BTNL8: variants seen among roughly 807,000 people sequenced by gnomAD.
The protein encoded by BTNL8 is butyrophilin-like protein 8.
BTNL8 carries 22 observed loss-of-function variants against 36.1 expected under a neutral mutation model. The ratio of observed to expected loss-of-function variants is 0.61; its 90% confidence interval spans 0.44 to 0.87. The LOEUF is 0.87. BTNL8 is among the 40% of genes least tolerant of loss of function. BTNL8 has a pLI of 0.00. For missense variants in BTNL8, 526 were observed against 616.9 expected, an observed-to-expected ratio of 0.85 and a Z score of 1.56; for synonymous variants, 203 against 235.6, an observed-to-expected ratio of 0.86 and a Z score of 1.27.
At chr5:180,938,563 G>C (rs1430507473) in intron 3 of BTNL8, among the ~76,000 whole-genome samples, 4 of 146,308 alleles carry the variant, frequency 2.7e-5, no homozygotes, top group Non-Finnish European at 6.0e-5. Flanking sequence ...TTTTTTGATG[G>C]AGTCTTGCTC....
chr5:180,941,328 G>A (rs1272823800), intron 3 of BTNL8, among the ~76,000 whole-genome samples: 4 of 152,038 alleles, frequency 2.6e-5, no homozygotes. Flanking sequence ...ACAAACAAAA[G>A]CCCAAAACAA....
intron 2 of BTNL8, among the ~76,000 whole-genome samples, chr5:180,909,411 T>A (rs1310068962): frequency 1.3e-5 from 2 of 152,230 alleles, no homozygotes; most frequent in Non-Finnish European, 2.9e-5. Context: ...GAACATTTAT[T>A]TTTAAATTAA....
At chr5:180,941,530 T>C (rs995717001) in intron 3 of BTNL8, among the ~76,000 whole-genome samples, 17 of 152,236 alleles carry the variant, frequency 1.1e-4, no homozygotes, top group African/African-American at 3.9e-4. Flanking sequence ...ATTATGAACA[T>C]AGATGCAAAA....
intron 3 of BTNL8, among the ~76,000 whole-genome samples, chr5:180,924,288 C>T (rs182086605): frequency 6.6e-6 from 1 of 152,352 alleles, no homozygotes; most frequent in African/African-American, 2.4e-5. Flanking sequence ...TAAGGCTACT[C>T]TAGACTAGGA....
intron 3 of BTNL8, among the ~76,000 whole-genome samples, chr5:180,947,119 A>G (rs1336034285): frequency 6.6e-6 from 1 of 152,256 alleles, no homozygotes; most frequent in Non-Finnish European, 1.5e-5. Context: ...TCTAGTTTAT[A>G]CCAAGACATA....
chr5:180,908,986 A>G (rs1582014191), intron 2 of BTNL8, 53 bp downstream of exon 2: 5 of 1,517,698 alleles, frequency 3.3e-6, no homozygotes, highest in Admixed American at 2.2e-5. Flanking sequence ...CCTGGACTTT[A>G]TAAGTGTTTT....
chr5:180,906,116 G>A (rs1379997472), intron 1 of BTNL8, among the ~76,000 whole-genome samples: 1 of 142,812 alleles, frequency 7.0e-6, no homozygotes. Flanking sequence ...AATGTTGACA[G>A]TGGGGTGTTA....
chr5:180,908,530 C>T, intron 1 of BTNL8, 56 bp from the exon 2 acceptor site: 1 of 1,556,576 alleles, frequency 6.4e-7, no homozygotes, highest in Non-Finnish European at 8.7e-7. Flanking sequence ...CATCTTGGCT[C>T]CTCCCCCTCA....
rs987143215 is a variant in BTNL8, at chr5:180,906,446, A to G, written c.50-2140A>G. Among the ~76,000 whole-genome samples the G allele has an allele frequency of 1.1e-3, 135 of 122,538 alleles. 28 individuals are homozygous for G. The highest frequency in any genetic ancestry group is 5.1e-3 in the African/African-American group (124 of 24,502). 80.4% of individuals were successfully genotyped at this position (122,538 alleles called of 152,430 possible). ...CACGTGAGATGGGTTTCCTGAATAC[A>G]GCACACTGATGGGTCTTGACTCTTT... On this transcript the variant is annotated intron_variant, in intron 1 of 7. Transcript: ENST00000340184.
intron 3 of BTNL8, among the ~76,000 whole-genome samples, chr5:180,943,578 T>C (rs996339413): frequency 1.3e-5 from 2 of 152,228 alleles, no homozygotes; most frequent in Admixed American, 1.3e-4. Flanking sequence ...AAATTGCTAT[T>C]ATCAAAAAGA....
chr5:180,921,763 T>C (rs1178046633), intron 3 of BTNL8, among the ~76,000 whole-genome samples: 1 of 151,948 alleles, frequency 6.6e-6, no homozygotes, highest in Non-Finnish European at 1.5e-5. Flanking sequence ...AGATGATGGA[T>C]ATGTCTATAG....
rs189718767 is a variant in BTNL8 at position 180,945,943 on chromosome 5, C to T, written c.674-1569C>T. ...TTGAATGGATTATCCAAGGCATCTA[C>T]GCAATGAAAAACCATGATAGCTCTT... On this transcript the variant is annotated intron_variant, in intron 3 of 7. Transcript: ENST00000340184. 1.0e-3 allele frequency: 196 copies of T among 189,546 alleles called. 2 individuals carry two copies. The South Asian group carries it at 0.011, about 11-fold the overall frequency. The allele number at this position is 189,546 out of a possible 1,614,324, so 11.7% of individuals were successfully genotyped here. A position where few individuals can be genotyped will look rare whatever the true frequency, so the allele number is the denominator to read the frequency against.
chr5:180,922,882 G>A (rs1028765642), intron 3 of BTNL8, among the ~76,000 whole-genome samples: 4 of 151,896 alleles, frequency 2.6e-5, no homozygotes, highest in African/African-American at 9.7e-5. Flanking sequence ...TTTTGTGTTG[G>A]GTGCATATAT....
In BTNL8 at chr5:180,906,327, A is replaced by T. The variant is rs954397604; in HGVS notation, c.50-2259A>T. Among the ~76,000 whole-genome samples, 22 of 129,340 alleles carry T rather than the reference A, an allele frequency of 1.7e-4. No homozygotes were observed. In the East Asian group the frequency reaches 1.8e-3, roughly 10 times the overall value. 84.9% of individuals were successfully genotyped at this position (129,340 alleles called of 152,430 possible). A position where few individuals can be genotyped will look rare whatever the true frequency, so the allele number is the denominator to read the frequency against. On this transcript the variant is annotated intron_variant, in intron 1 of 7. Transcript: ENST00000340184. ...TTGTTGGTTTAAAGTCTGTTTTATC[A>T]GAGACTAGGATTGCAACCCCTGCCT...
intron 3 of BTNL8, among the ~76,000 whole-genome samples, chr5:180,933,005 CAA>C (rs146946077): frequency 0.031 from 4,349 of 138,150 alleles, 193 homozygotes; most frequent in African/African-American, 0.1. Context: ...AAATAAAAAC[CAA>C]AAAAAAAAAA....
intron 3 of BTNL8, among the ~76,000 whole-genome samples, chr5:180,923,975 G>A (rs189566553): frequency 9.8e-4 from 150 of 152,306 alleles, no homozygotes; most frequent in African/African-American, 3.2e-3. Flanking sequence ...ACTAAAATAA[G>A]AGGAGAGACA....
chr5:180,948,591 C>G, intron 5 of BTNL8: 1 of 1,211,444 alleles, frequency 8.3e-7, no homozygotes, highest in Non-Finnish European at 1.1e-6. Context: ...TGGAAGTCCC[C>G]ACAAATTGTC....
In BTNL8 at chr5:180,908,784, G is replaced by A. The variant is rs573486977; in HGVS notation, c.248G>A (p.Gly83Asp). 1.5e-5 allele frequency: 25 copies of A among 1,614,174 alleles called. No homozygotes were observed. In the African/African-American group the frequency reaches 2.9e-4, roughly 19 times the overall value. Residue 83 changes from glycine (G) to aspartate (D), a missense_variant, in exon 2 of 8, where the codon GGC becomes GAC. Around this residue, in one of 2 missense-constraint regions of BTNL8, gnomAD observed 350 missense variants for 324.6 expected, o/e 1.08. Transcript: ENST00000340184. ...QPFMQMPQYQ[G>D]RTKLVKDSIA... ...TTTATGCAGATGCCACAGTATCAAG[G>A]CAGGACAAAACTGGTGAAGGATTCT...
At chr5:180,925,345 G>A (rs767748413) in intron 3 of BTNL8, among the ~76,000 whole-genome samples, 8 of 152,168 alleles carry the variant, frequency 5.3e-5, no homozygotes, top group Non-Finnish European at 1.2e-4. Flanking sequence ...ATTTTACCAA[G>A]ATATATCATA....
Sources: allele counts gnomAD v4.1 joint callset (sites outside exome capture counted in the v4.1 genomes callset), GRCh38; gene constraint gnomAD v4.1.1; regional missense constraint gnomAD v4.1.1; transcripts MANE v1.5; gene names NCBI Gene and HGNC (gene_info 2026-07-23, HGNC 2026-07-21).